Variants in TRPC5 observed in about 807,000 individuals in gnomAD.
TRPC5 encodes the protein short transient receptor potential channel 5.
TRPC5 carries 9 observed loss-of-function variants against 56.5 expected under a neutral mutation model. That is an observed-to-expected ratio of 0.16 (90% CI 0.10 to 0.28). The LOEUF (loss-of-function observed/expected upper bound fraction) is 0.28, where lower values mean the gene tolerates loss of function less well. Ranked by LOEUF, TRPC5 falls within the 10% of genes least tolerant of loss-of-function variation. The pLI, the probability that TRPC5 is intolerant of heterozygous loss-of-function variation, is 1.00. For synonymous variants in TRPC5, 282 were observed against 278.5 expected (o/e 1.01, Z -0.13); for missense variants, 469 against 748.9 (o/e 0.63, Z 4.36).
intron 1 of TRPC5, among the ~76,000 whole-genome samples, chrX:112,017,463 T>C (rs1337340952): frequency 9.0e-6 from 1 of 110,729 alleles, no homozygotes; most frequent in African/African-American, 3.3e-5. Flanking sequence ...TTGCCACTAA[T>C]AATGTGGCAG....
At chrX:112,014,858 C>T (rs1929081352) in intron 1 of TRPC5, among the ~76,000 whole-genome samples, 1 of 111,184 alleles carries the variant, frequency 9.0e-6, no homozygotes, top group African/African-American at 3.3e-5. Context: ...ACCTGGGTAG[C>T]TTTGAAAAAA....
chrX:111,902,148 C>T (rs1925384122), intron 3 of TRPC5: 1 of 1,145,148 alleles, frequency 8.7e-7, no homozygotes, highest in African/African-American at 1.8e-5. Flanking sequence ...TATGAAGATA[C>T]AGTCTCTGGT....
At chrX:111,822,117 G>A (rs1469884582) in intron 7 of TRPC5, among the ~76,000 whole-genome samples, 2 of 111,654 alleles carry the variant, frequency 1.8e-5, no homozygotes, top group Middle Eastern at 4.7e-3. Flanking sequence ...CTATTACACC[G>A]ACCTGATTCT....
chrX:111,990,420 A>T (rs138749634), intron 1 of TRPC5, among the ~76,000 whole-genome samples: 2 of 111,068 alleles, frequency 1.8e-5, no homozygotes, highest in African/African-American at 6.5e-5. Flanking sequence ...TCCATCTCAA[A>T]AATAATAATA....
intron 3 of TRPC5, among the ~76,000 whole-genome samples, chrX:111,871,465 C>A (rs751837648): frequency 4.5e-5 from 5 of 111,153 alleles, no homozygotes; most frequent in Non-Finnish European, 9.4e-5. Flanking sequence ...CACTCCCTGG[C>A]TGGATTACCT....
At chrX:111,938,062 A>G (rs11497356) in intron 2 of TRPC5, among the ~76,000 whole-genome samples, 3,220 of 78,775 alleles carry the variant, frequency 0.041, 61 homozygotes, top group African/African-American at 0.08. Context: ...GGTCCTTCAC[A>G]TCCCTTGTAA....
chrX:111,866,629 C>T (rs759594777), intron 3 of TRPC5, among the ~76,000 whole-genome samples: 9 of 112,491 alleles, frequency 8.0e-5, no homozygotes, highest in African/African-American at 2.9e-4. Context: ...CTTGGCCCCT[C>T]CTAGGAATAT....
chrX:111,965,288 T>C (rs1272382719), intron 1 of TRPC5, among the ~76,000 whole-genome samples: 3 of 111,970 alleles, frequency 2.7e-5, no homozygotes, highest in Non-Finnish European at 5.6e-5. Context: ...CCTAAATATA[T>C]ATGCACCCAA....
chrX:112,027,718 G>T (rs1040927048), intron 1 of TRPC5, among the ~76,000 whole-genome samples: 31 of 110,674 alleles, frequency 2.8e-4, no homozygotes, highest in Non-Finnish European at 3.2e-4. Flanking sequence ...TGATGGTCTC[G>T]ATCTCCTGAC....
At chrX:111,904,069 G>T (rs1603090553) in intron 3 of TRPC5, 1 of 112,036 alleles carries the variant, frequency 8.9e-6, no homozygotes, top group East Asian at 2.8e-4. Context: ...TCAACGTAAG[G>T]TAGCAGAGCA....
rs1429997095 is a variant in TRPC5 at position 111,774,930 on chromosome X, A to G, written c.*1383T>C. The G allele has an allele frequency of 1.8e-5, 2 of 110,678 alleles. No homozygotes were observed. Among genetic ancestry groups the G allele is most frequent in the African/African-American group, 3.3e-5 (1 of 30,466 alleles). The allele number at this position is 110,678 out of a possible 1,213,427, so 9.1% of individuals were successfully genotyped here. On this transcript the variant is annotated 3_prime_UTR_variant, in exon 11 of 11. Coordinates refer to ENST00000262839, the MANE Select transcript of TRPC5 (RefSeq NM_012471.3). ...CATATGTTAGAGTCTAAACTGAGGAAACCTTTGTGCTAATGTTGGTAAAAG... is the reference window on the plus strand; with the variant it reads ...CATATGTTAGAGTCTAAACTGAGGAGACCTTTGTGCTAATGTTGGTAAAAG...
intron 3 of TRPC5, among the ~76,000 whole-genome samples, chrX:111,906,593 GA>G (rs1266727361): frequency 9.0e-6 from 1 of 110,720 alleles, no homozygotes; most frequent in African/African-American, 3.3e-5. Flanking sequence ...ATTTTATGAA[GA>G]AAAAAAATGT....
chrX:111,795,410 G>A (rs1304261053), intron 7 of TRPC5, among the ~76,000 whole-genome samples: 8 of 110,601 alleles, frequency 7.2e-5, no homozygotes, highest in Non-Finnish European at 1.5e-4. Context: ...ATATGATCAT[G>A]GGCTTTTTCT....
chrX:112,066,763 A>G (rs1930594535), intron 1 of TRPC5, among the ~76,000 whole-genome samples: 1 of 112,623 alleles, frequency 8.9e-6, no homozygotes, highest in Non-Finnish European at 1.9e-5. Flanking sequence ...CAAGTGTTTA[A>G]TAAAATGAAT....
chrX:112,053,487 C>T (rs1285781490), intron 1 of TRPC5, among the ~76,000 whole-genome samples: 2 of 111,692 alleles, frequency 1.8e-5, no homozygotes. Flanking sequence ...TGTTCCCTTA[C>T]ATTGAAAGGG....
intron 7 of TRPC5, 76 bp downstream of exon 7, chrX:111,834,845 C>A: frequency 1.3e-6 from 1 of 768,047 alleles, no homozygotes; most frequent in South Asian, 3.0e-5. Context: ...TTTCATTGAG[C>A]TTCTAATGAA....
chrX:111,950,258 G>C (rs1276055457), intron 2 of TRPC5, among the ~76,000 whole-genome samples: 1 of 110,278 alleles, frequency 9.1e-6, no homozygotes, highest in Non-Finnish European at 1.9e-5. Context: ...CCAGGAGGTG[G>C]AGCTTGCAGT....
intron 1 of TRPC5, among the ~76,000 whole-genome samples, chrX:112,062,326 A>G (rs1237036575): frequency 1.8e-5 from 2 of 112,113 alleles, no homozygotes; most frequent in African/African-American, 6.5e-5. Context: ...GCTCTCAAGA[A>G]GCTTACAGTG....
At chrX:112,079,021 A>T (rs1471773579) in intron 1 of TRPC5, among the ~76,000 whole-genome samples, 1 of 111,966 alleles carries the variant, frequency 8.9e-6, no homozygotes, top group African/African-American at 3.3e-5. Context: ...TTCTGTCTAT[A>T]GGCTGCAAAC....
Sources: gnomAD v4.1 joint callset for allele counts (sites outside exome capture counted in the v4.1 genomes callset) on GRCh38, gnomAD v4.1.1 for gene constraint, MANE v1.5 for transcripts, NCBI Gene and HGNC (gene_info 2026-07-23, HGNC 2026-07-21) for gene names.